The following TTBK2 variants were observed in gnomAD, a reference collection of about 807,000 sequenced individuals.
TTBK2 encodes tau tubulin kinase 2, also known as tau-tubulin kinase 2.
In TTBK2, 28 loss-of-function variants were observed where a neutral mutation model predicts 110.8. That is an observed-to-expected ratio of 0.25 (90% CI 0.19 to 0.35). The LOEUF (loss-of-function observed/expected upper bound fraction) is 0.35, where lower values mean the gene tolerates loss of function less well. Ranked by LOEUF, TTBK2 falls within the 10% of genes least tolerant of loss-of-function variation. The probability of loss-of-function intolerance (pLI) is 1.00; values close to 1 mark genes in which losing one functional copy is unlikely to be tolerated. For missense variants in TTBK2, 1,369 were observed against 1,500.3 expected (o/e 0.91, Z 1.45); for synonymous variants, 532 against 527.3 (o/e 1.01, Z -0.12).
chr15:42,802,483 T>C, intron 9 of TTBK2: 1 of 594,364 alleles, frequency 1.7e-6, no homozygotes, highest in Admixed American at 2.5e-5. Flanking sequence ...CACACAGTCT[T>C]TACTTCTCTG....
At chr15:42,842,721 TA>T (rs201241380) in intron 3 of TTBK2, among the ~76,000 whole-genome samples, 4,836 of 133,412 alleles carry the variant, frequency 0.036, 164 homozygotes, top group African/African-American at 0.098. Context: ...CCCCTTCCCC[TA>T]AAAAAAAAAA....
intron 3 of TTBK2, among the ~76,000 whole-genome samples, chr15:42,852,782 A>G (rs942704303): frequency 6.6e-6 from 1 of 152,252 alleles, no homozygotes; most frequent in Non-Finnish European, 1.5e-5. Flanking sequence ...AGAGACCTCC[A>G]TACACCCTTT....
At position 42,873,968 on chromosome 15, in the gene TTBK2, ATTTC is replaced by A. The variant is rs573230339; in HGVS notation, c.70-1214_70-1211del. 7.0e-4 allele frequency among the ~76,000 whole-genome samples: 106 copies of A among 152,248 alleles called. 1 individual carries two copies. The highest frequency in any genetic ancestry group is 2.4e-3 in the African/African-American group (99 of 41,550). ...TTCACTGATTACTATATCTAGGTTA[ATTTC>A]TTTATCTTCTGAATTTCTACAGTAA... On this transcript the variant is annotated intron_variant, in intron 2 of 14. Transcript: ENST00000267890.
chr15:42,772,307 C>T (rs1317400996), intron 13 of TTBK2, among the ~76,000 whole-genome samples: 4 of 152,054 alleles, frequency 2.6e-5, no homozygotes, highest in South Asian at 2.1e-4. Flanking sequence ...GCCCAAATGG[C>T]GAGGAACTAG....
At chr15:42,746,900 T>A (rs2061800622) in intron 14 of TTBK2, among the ~76,000 whole-genome samples, 1 of 151,998 alleles carries the variant, frequency 6.6e-6, no homozygotes, top group African/African-American at 2.4e-5. Context: ...AGTCTGGGAT[T>A]AAGGAGGGTG....
intron 3 of TTBK2, among the ~76,000 whole-genome samples, chr15:42,859,627 A>G (rs1471781577): frequency 6.6e-6 from 1 of 152,172 alleles, no homozygotes; most frequent in African/African-American, 2.4e-5. Flanking sequence ...CATTACTAAC[A>G]GTCTATTTTT....
chr15:42,823,253 G>C (rs1336914421), intron 6 of TTBK2, among the ~76,000 whole-genome samples: 1 of 152,164 alleles, frequency 6.6e-6, no homozygotes, highest in African/African-American at 2.4e-5. Context: ...TGAAACTGGG[G>C]AATGCCTTAA....
intron 1 of TTBK2, among the ~76,000 whole-genome samples, chr15:42,898,068 G>A (rs770958743): frequency 3.9e-5 from 6 of 152,112 alleles, no homozygotes; most frequent in Non-Finnish European, 8.8e-5. Context: ...GTGCGTGCCT[G>A]TTGTCCCAGC....
intron 3 of TTBK2, among the ~76,000 whole-genome samples, chr15:42,860,685 A>G (rs1894124066): frequency 7.2e-6 from 1 of 139,250 alleles, no homozygotes; most frequent in Non-Finnish European, 1.5e-5. Flanking sequence ...GTGCTACACT[A>G]AATGCCTTTA....
intron 7 of TTBK2, among the ~76,000 whole-genome samples, chr15:42,816,089 T>TAAATAA (rs1447723537): frequency 1.2e-4 from 10 of 85,860 alleles, no homozygotes; most frequent in African/African-American, 7.6e-4. Context: ...TAAATAAATA[T>TAAATAA]ATATATATAT....
chr15:42,828,074 C>T lies in TTBK2; in HGVS notation c.433-42G>A, dbSNP rs767428862. On this transcript the variant is annotated intron_variant, in intron 5 of 14. Coordinates refer to ENST00000267890, the MANE Select transcript of TTBK2 (RefSeq NM_173500.4). The stretch of plus-strand genomic sequence containing the variant: ...GGAAAATATATACATTCTTATAATA[C>T]TTAGTCCTTACATTTTATCATTCTT... The T allele has an allele frequency of 1.5e-5, 21 of 1,426,436 alleles. No individual in the cohort carries two copies. The African/African-American group carries it at 2.1e-4, about 15-fold the overall frequency. 88.4% of individuals were successfully genotyped at this position (1,426,436 alleles called of 1,614,324 possible). A position where few individuals can be genotyped will look rare whatever the true frequency, so the allele number is the denominator to read the frequency against.
chr15:42,775,806 T>C, intron 12 of TTBK2, 83 bp from the exon 13 acceptor site: 1 of 1,103,124 alleles, frequency 9.1e-7, no homozygotes, highest in Non-Finnish European at 1.3e-6. Flanking sequence ...AGAACTAATA[T>C]GGACACAAAG....
At chr15:42,793,308 T>C (rs945231837) in intron 10 of TTBK2, among the ~76,000 whole-genome samples, 2 of 152,166 alleles carry the variant, frequency 1.3e-5, no homozygotes, top group African/African-American at 4.8e-5. Context: ...TTAGACATGA[T>C]AGTCAGTGAT....
rs180824361 is a variant in TTBK2, at chr15:42,796,088, G to A, written c.823-1287C>T. ...GAATAGGAAATGCAGATATAAATTTGGGTGTCATCAGCATATAGATATCAA... is the reference window on the plus strand; with the variant it reads ...GAATAGGAAATGCAGATATAAATTTAGGTGTCATCAGCATATAGATATCAA... On this transcript the variant is annotated intron_variant, in intron 9 of 14. Transcript: ENST00000267890. Among the ~76,000 whole-genome samples the A allele has an allele frequency of 6.6e-5, 10 of 152,198 alleles. No individual in the cohort carries two copies. The East Asian group carries it at 1.9e-3, about 29-fold the overall frequency.
At chr15:42,810,805 C>A in intron 8 of TTBK2, 66 bp from the exon 9 acceptor site, 2 of 1,580,970 alleles carry the variant, frequency 1.3e-6, no homozygotes. Context: ...AAGAGCCCCT[C>A]AGTAACCGTC....
intron 3 of TTBK2, among the ~76,000 whole-genome samples, chr15:42,862,898 C>A (rs1894216208): frequency 6.6e-6 from 1 of 151,842 alleles, no homozygotes; most frequent in African/African-American, 2.4e-5. Context: ...CAAAAATAAA[C>A]AAATAAATTA....
intron 1 of TTBK2, among the ~76,000 whole-genome samples, chr15:42,882,060 T>C (rs917782610): frequency 6.6e-6 from 1 of 151,902 alleles, no homozygotes; most frequent in African/African-American, 2.4e-5. Flanking sequence ...CAGGGACTAG[T>C]GGGACAATAC....
chr15:42,914,906 C>T (rs1397940245), intron 1 of TTBK2, among the ~76,000 whole-genome samples: 1 of 152,204 alleles, frequency 6.6e-6, no homozygotes, highest in African/African-American at 2.4e-5. Flanking sequence ...ATACCTGGAA[C>T]ACTTGTAATT....
At chr15:42,806,686 G>A (rs1467905646) in intron 9 of TTBK2, among the ~76,000 whole-genome samples, 12 of 152,082 alleles carry the variant, frequency 7.9e-5, no homozygotes, top group Admixed American at 7.9e-4. Context: ...CTCTTCACAT[G>A]GCCAACACAA....
Sources: gnomAD v4.1 joint callset for allele counts (sites outside exome capture counted in the v4.1 genomes callset) on GRCh38, gnomAD v4.1.1 for gene constraint, MANE v1.5 for transcripts, NCBI Gene and HGNC (gene_info 2026-07-23, HGNC 2026-07-21) for gene names.